SND1: variants seen among roughly 807,000 people sequenced by gnomAD.
SND1 encodes the protein staphylococcal nuclease domain-containing protein 1.
SND1 carries 38 observed loss-of-function variants against 121.7 expected under a neutral mutation model. The ratio of observed to expected loss-of-function variants is 0.31; its 90% CI spans 0.24 to 0.41. The LOEUF is 0.41. Among genes scored for constraint, SND1 ranks in the 10% least tolerant of loss-of-function variants. The probability of loss-of-function intolerance (pLI) is 1.00; values close to 1 mark genes in which losing one functional copy is unlikely to be tolerated. For missense variants in SND1, 868 were observed against 1,184.6 expected (o/e 0.73, Z 3.92); for synonymous variants, 401 against 447.4 (o/e 0.90, Z 1.31).
chr7:128,048,761 A>G (rs1792996406), intron 16 of SND1, among the ~76,000 whole-genome samples: 1 of 152,198 alleles, frequency 6.6e-6, no homozygotes, highest in Non-Finnish European at 1.5e-5. Flanking sequence ...CAAGTGATGC[A>G]GGGTATATGT....
intron 11 of SND1, among the ~76,000 whole-genome samples, chr7:127,840,015 T>C (rs2116639773): frequency 6.6e-6 from 1 of 152,300 alleles, no homozygotes; most frequent in African/African-American, 2.4e-5. Context: ...TTCATAATGT[T>C]ATGTCTGAAA....
rs1409889697 is a variant in SND1, at chr7:128,029,732, G to T, written c.1779+38676G>T. On this transcript the variant is annotated intron_variant, in intron 16 of 23. Transcript: ENST00000354725. The surrounding 1 kb of genome is among the most constrained non-coding windows in gnomAD (Gnocchi z 4.2). The stretch of plus-strand genomic sequence containing the variant: ...CTAGCCACAGAATGTCACAATCACA[G>T]TTCCAAGGGTTGTGGTGTAGATGCA... 19 of 1,614,164 alleles carry T rather than the reference G, an allele frequency of 1.2e-5. No homozygotes were observed. Among genetic ancestry groups the T allele is most frequent in the Non-Finnish European group, 1.6e-5 (19 of 1,180,038 alleles).
chr7:127,754,845 T>A (rs1797165648), intron 10 of SND1, among the ~76,000 whole-genome samples: 1 of 152,270 alleles, frequency 6.6e-6, no homozygotes, highest in African/African-American at 2.4e-5. Flanking sequence ...AACTTTTGGC[T>A]TGCAAATATT....
intron 16 of SND1, among the ~76,000 whole-genome samples, chr7:128,073,636 G>A (rs1793452946): frequency 6.6e-6 from 1 of 152,202 alleles, no homozygotes; most frequent in African/African-American, 2.4e-5. Flanking sequence ...ATTAATACAA[G>A]TTTTTACATT....
chr7:127,823,876 G>T (rs1411678683), intron 11 of SND1, among the ~76,000 whole-genome samples: 17 of 152,102 alleles, frequency 1.1e-4, no homozygotes, highest in Admixed American at 1.1e-3. Context: ...AATCCCATAG[G>T]TAGCATATTT....
intron 10 of SND1, among the ~76,000 whole-genome samples, chr7:127,787,232 T>C (rs1031401305): frequency 6.6e-6 from 1 of 152,106 alleles, no homozygotes; most frequent in Non-Finnish European, 1.5e-5. Flanking sequence ...TGATTTTCCT[T>C]TGTTTGTTTG....
intron 10 of SND1, among the ~76,000 whole-genome samples, chr7:127,755,965 T>C (rs1181692811): frequency 6.6e-6 from 1 of 152,250 alleles, no homozygotes; most frequent in East Asian, 1.9e-4. Context: ...TTAATTTTTT[T>C]AAACAATGTT....
chr7:127,675,820 A>C (rs868536882), intron 1 of SND1, among the ~76,000 whole-genome samples: 16 of 152,098 alleles, frequency 1.1e-4, no homozygotes, highest in African/African-American at 3.9e-4. Flanking sequence ...GACACTTCAC[A>C]TTTGTCTGCT....
At chr7:127,876,331 A>C (rs1487837126) in intron 12 of SND1, among the ~76,000 whole-genome samples, 1 of 152,156 alleles carries the variant, frequency 6.6e-6, no homozygotes, top group Non-Finnish European at 1.5e-5. Context: ...GAGACCAGGT[A>C]TGGGAGGCTG....
chr7:127,766,502 G>A (rs138534283), intron 10 of SND1, among the ~76,000 whole-genome samples: 261 of 152,198 alleles, frequency 1.7e-3, no homozygotes, highest in African/African-American at 5.9e-3. Context: ...TAGGCCGGGC[G>A]CGATGGCTCA....
chr7:127,883,920 G>T (rs1799844899), intron 12 of SND1, among the ~76,000 whole-genome samples: 1 of 152,078 alleles, frequency 6.6e-6, no homozygotes, highest in South Asian at 2.1e-4. Flanking sequence ...TTTGATTTGA[G>T]TCGTGTCTAC....
chr7:127,844,235 G>T, intron 11 of SND1, 89 bp from the exon 12 acceptor site: 1 of 941,554 alleles, frequency 1.1e-6, no homozygotes, highest in Non-Finnish European at 1.6e-6. Context: ...GGAGTGAGCT[G>T]ATCTTTCACA....
At chr7:127,834,540 A>G (rs754456995) in intron 11 of SND1, among the ~76,000 whole-genome samples, 5 of 152,152 alleles carry the variant, frequency 3.3e-5, no homozygotes, top group Non-Finnish European at 5.9e-5. Flanking sequence ...TCATTGTTCT[A>G]TGCACGCCGT....
intron 1 of SND1, among the ~76,000 whole-genome samples, chr7:127,655,862 A>G (rs1795201234): frequency 6.6e-6 from 1 of 152,164 alleles, no homozygotes; most frequent in Non-Finnish European, 1.5e-5. Context: ...CTTGTCAAGC[A>G]TTCGCAACAG....
intron 2 of SND1, among the ~76,000 whole-genome samples, chr7:127,689,664 T>C (rs968502892): frequency 2.6e-5 from 4 of 152,190 alleles, no homozygotes; most frequent in Admixed American, 2.0e-4. Flanking sequence ...AGTCTAGTGC[T>C]TTTTGCCTCT....
At chr7:127,816,880 C>T (rs934784087) in intron 11 of SND1, among the ~76,000 whole-genome samples, 2 of 152,000 alleles carry the variant, frequency 1.3e-5, no homozygotes, top group Non-Finnish European at 2.9e-5. Context: ...CTAGGGGTCT[C>T]GAACTCCCAA....
At chr7:127,839,367 G>A (rs117637545) in intron 11 of SND1, among the ~76,000 whole-genome samples, 2,684 of 152,220 alleles carry the variant, frequency 0.018, 34 homozygotes, top group Middle Eastern at 0.027. Context: ...AAAGCCTTAC[G>A]TAACAGCTCT....
At chr7:128,034,487 C>G (rs556605071) in intron 16 of SND1, among the ~76,000 whole-genome samples, 1 of 152,296 alleles carries the variant, frequency 6.6e-6, no homozygotes, top group East Asian at 1.9e-4. Context: ...CTATCCTTCC[C>G]TCCTCAGGCA....
rs375807866 is a variant in SND1 at position 127,978,972 on chromosome 7, C to T, written c.1670-11975C>T. 2.8e-4 allele frequency among the ~76,000 whole-genome samples: 42 copies of T among 152,290 alleles called. No individual in the cohort carries two copies. In the East Asian group the frequency reaches 5.2e-3, roughly 19 times the overall value. On this transcript the variant is annotated intron_variant, in intron 15 of 23. Transcript: ENST00000354725. ...AAAGTGCTGGGATTACAGACGTGAG[C>T]CACCACACCTGGCCGCCTGTATTTT... is the stretch of plus-strand genomic sequence containing the variant.
Sources: gnomAD v4.1 joint callset for allele counts (sites outside exome capture counted in the v4.1 genomes callset) on GRCh38, gnomAD v4.1.1 for gene constraint, Gnocchi (gnomAD v3.1) non-coding constraint, MANE v1.5 for transcripts, NCBI Gene and HGNC (gene_info 2026-07-23, HGNC 2026-07-21) for gene names.